FGGY: variants seen among roughly 807,000 people sequenced by gnomAD.
FGGY encodes FGGY carbohydrate kinase domain-containing protein.
Under a neutral mutation model 71.3 loss-of-function variants are expected in FGGY, and 72 were observed. The ratio of observed to expected loss-of-function variants is 1.01; its 90% CI spans 0.84 to 1.23. FGGY has a LOEUF of 1.23. Ranked by LOEUF, FGGY falls within the 50% of genes most tolerant of loss-of-function variation. The probability of loss-of-function intolerance (pLI) is 0.00; values close to 1 mark genes in which losing one functional copy is unlikely to be tolerated. For synonymous variants in FGGY, 251 were observed against 250.3 expected (o/e 1.00, Z -0.02); for missense variants, 668 against 682.3 (o/e 0.98, Z 0.23).
Position 59,566,782 on chromosome 1 carries a change from T to C in FGGY, c.903+12555T>C, listed in dbSNP as rs6696338. Among the ~76,000 whole-genome samples the C allele has an allele frequency of 2.0e-3, 298 of 151,308 alleles. 3 individuals are homozygous for C. Among genetic ancestry groups the C allele is most frequent in the African/African-American group, 7.0e-3 (287 of 40,874 alleles). On this transcript the variant is annotated intron_variant, in intron 8 of 15. Coordinates refer to ENST00000303721, the MANE Select transcript of FGGY (RefSeq NM_018291.5). ...CTGTCATGTATGTTGTAAATCTTTT[T>C]GTTGAAAGATAATTTACATACCATG...
chr1:59,538,554 T>C (rs1416098693), intron 7 of FGGY, among the ~76,000 whole-genome samples: 1 of 146,538 alleles, frequency 6.8e-6, no homozygotes, highest in African/African-American at 2.7e-5. Context: ...CGTATGTTTA[T>C]TGTGGCATTA....
intron 2 of FGGY, among the ~76,000 whole-genome samples, chr1:59,323,914 G>A (rs1207841891): frequency 5.9e-5 from 9 of 152,098 alleles, no homozygotes; most frequent in Admixed American, 1.3e-4. Flanking sequence ...AGTCTACGGC[G>A]GGGGAGGCGC....
intron 10 of FGGY, among the ~76,000 whole-genome samples, chr1:59,633,344 A>C (rs1367759269): frequency 1.3e-5 from 2 of 152,104 alleles, no homozygotes; most frequent in Non-Finnish European, 2.9e-5. Context: ...TTTTGCATGC[A>C]AATAAAAGAA....
At chr1:59,515,868 T>G (rs1310903636) in intron 7 of FGGY, among the ~76,000 whole-genome samples, 1 of 152,214 alleles carries the variant, frequency 6.6e-6, no homozygotes, top group Non-Finnish European at 1.5e-5. Flanking sequence ...AATGGACTAA[T>G]GCAGTAAGTT....
intron 4 of FGGY, among the ~76,000 whole-genome samples, chr1:59,371,207 G>A (rs2057564954): frequency 1.3e-5 from 2 of 152,114 alleles, no homozygotes; most frequent in South Asian, 4.1e-4. Context: ...ACAGGATGGA[G>A]GAAGATCTAC....
At chr1:59,517,752 G>A (rs1253785796) in intron 7 of FGGY, among the ~76,000 whole-genome samples, 2 of 151,848 alleles carry the variant, frequency 1.3e-5, no homozygotes, top group East Asian at 3.9e-4. Flanking sequence ...GCAGCCTGCA[G>A]AGTGCTTTAC....
intron 5 of FGGY, among the ~76,000 whole-genome samples, chr1:59,433,249 G>C (rs1438292553): frequency 6.6e-6 from 1 of 152,162 alleles, no homozygotes; most frequent in Non-Finnish European, 1.5e-5. Context: ...CCCGCAGCCA[G>C]ATAAACCAAA....
chr1:59,475,872 T>C (rs2093241323), intron 6 of FGGY, among the ~76,000 whole-genome samples: 1 of 152,238 alleles, frequency 6.6e-6, no homozygotes, highest in Admixed American at 6.5e-5. Context: ...ATTTTAAAAA[T>C]GTAAATCAGA....
intron 5 of FGGY, among the ~76,000 whole-genome samples, chr1:59,443,540 C>G (rs779445718): frequency 2.6e-5 from 4 of 152,128 alleles, no homozygotes; most frequent in Non-Finnish European, 5.9e-5. Flanking sequence ...ATTATGCACA[C>G]TTTAGATAAC....
At chr1:59,566,596 A>G (rs115560941) in intron 8 of FGGY, among the ~76,000 whole-genome samples, 2 of 152,052 alleles carry the variant, frequency 1.3e-5, no homozygotes, top group South Asian at 2.1e-4. Flanking sequence ...GTAATTAACC[A>G]TCAGTGGCTC....
At chr1:59,389,067 C>T (rs904254726) in intron 5 of FGGY, among the ~76,000 whole-genome samples, 3 of 152,118 alleles carry the variant, frequency 2.0e-5, no homozygotes, top group Non-Finnish European at 4.4e-5. Flanking sequence ...CCTGCCTTAG[C>T]CTACTGAGTA....
At chr1:59,680,992 A>G (rs955523751) in intron 14 of FGGY, 2 of 152,196 alleles carry the variant, frequency 1.3e-5, no homozygotes, top group South Asian at 4.1e-4. Context: ...AGAAATAAAA[A>G]TAAGCAGGGT....
At chr1:59,535,213 C>T (rs2095280217) in intron 7 of FGGY, among the ~76,000 whole-genome samples, 1 of 151,580 alleles carries the variant, frequency 6.6e-6, no homozygotes, top group Non-Finnish European at 1.5e-5. Flanking sequence ...TTTAAACCAA[C>T]AAAGATCAAA....
chr1:59,746,066 A>G (rs2098194739), intron 14 of FGGY, among the ~76,000 whole-genome samples: 1 of 152,190 alleles, frequency 6.6e-6, no homozygotes. Context: ...TTATGAGCAG[A>G]TGCTGAAGTT....
At chr1:59,731,328 T>C (rs2098025818) in intron 14 of FGGY, among the ~76,000 whole-genome samples, 3 of 152,116 alleles carry the variant, frequency 2.0e-5, no homozygotes, top group African/African-American at 7.2e-5. Context: ...AGGCAGACTT[T>C]CCCGGAATAC....
chr1:59,445,975 G>GT (rs1557949494), intron 5 of FGGY, among the ~76,000 whole-genome samples: 1 of 152,144 alleles, frequency 6.6e-6, no homozygotes, highest in African/African-American at 2.4e-5. Flanking sequence ...CTGAGCCTCA[G>GT]TATTCTCTTC....
chr1:59,647,004 T>C (rs1382203504), intron 11 of FGGY, among the ~76,000 whole-genome samples: 1 of 152,200 alleles, frequency 6.6e-6, no homozygotes, highest in African/African-American at 2.4e-5. Flanking sequence ...CCTTTATCTT[T>C]CCTATATACA....
intron 4 of FGGY, among the ~76,000 whole-genome samples, chr1:59,374,343 A>G (rs1026048828): frequency 1.1e-4 from 16 of 152,190 alleles, no homozygotes; most frequent in Admixed American, 2.0e-4. Flanking sequence ...GCAAATCAAA[A>G]CCACAATGAG....
At chr1:59,444,257 TC>T (rs1445554996) in intron 5 of FGGY, among the ~76,000 whole-genome samples, 3 of 152,170 alleles carry the variant, frequency 2.0e-5, no homozygotes, top group African/African-American at 7.2e-5. Context: ...AAGTAGAGAT[TC>T]TTTTTTTAAC....
Sources: allele counts gnomAD v4.1 joint callset (sites outside exome capture counted in the v4.1 genomes callset), GRCh38; gene constraint gnomAD v4.1.1; transcripts MANE v1.5; gene names NCBI Gene and HGNC (gene_info 2026-07-23, HGNC 2026-07-21).